EPCAM: variants seen among roughly 807,000 people sequenced by gnomAD.
EPCAM encodes adenocarcinoma-associated antigen.
A neutral mutation model predicts 40.0 loss-of-function variants in EPCAM; 39 were observed. The ratio of observed to expected loss-of-function variants is 0.98; its 90% CI spans 0.76 to 1.27. The LOEUF is 1.27. EPCAM is among the 50% of genes most tolerant of loss of function. EPCAM has a pLI of 0.00. For synonymous variants in EPCAM, 168 were observed against 132.3 expected (o/e 1.27, Z -1.85); for missense variants, 503 against 381.2 (o/e 1.32, Z -2.66).
chr2:47,369,355 CG>C lies in EPCAM; in HGVS notation c.-147del, dbSNP rs2103737429. 8.2e-7 allele frequency: 1 copy of C among 1,220,546 alleles called. No homozygotes were observed. The highest frequency in any genetic ancestry group is 1.1e-6 in the Non-Finnish European group (1 of 932,784). The allele number at this position is 1,220,546 out of a possible 1,614,324, so 75.6% of individuals were successfully genotyped here. A position where few individuals can be genotyped will look rare whatever the true frequency, so the allele number is the denominator to read the frequency against. ...GCGAGCGAGCACCTTCGACGCGGTC[CG>C]GGGACCCCCTCGTCGCTGTCCTCCC... On this transcript the variant is annotated 5_prime_UTR_variant, in exon 1 of 9. Coordinates refer to ENST00000263735, the MANE Select transcript of EPCAM (RefSeq NM_002354.3).
chr2:47,373,793 A>C lies in EPCAM; in HGVS notation c.185-15A>C. 6.2e-7 allele frequency: 1 copy of C among 1,614,114 alleles called. No homozygotes were observed. Among genetic ancestry groups the C allele is most frequent in the Non-Finnish European group, 8.5e-7 (1 of 1,180,012 alleles). On this transcript the variant is annotated splice_polypyrimidine_tract_variant and intron_variant, in intron 2 of 8. Transcript: ENST00000263735. ...TCAGTTATTTTTCAGTTTGGCATTA[A>C]GGTTTCTTTTTCAGTGGCTGCCAAA...
chr2:47,380,416 A>T (rs1293426396), intron 7 of EPCAM, among the ~76,000 whole-genome samples: 1 of 152,228 alleles, frequency 6.6e-6, no homozygotes, highest in Non-Finnish European at 1.5e-5. Context: ...ATGGTGAATG[A>T]ATCTATTGTA....
chr2:47,380,601 C>T (rs975614592), intron 7 of EPCAM, among the ~76,000 whole-genome samples: 1 of 152,146 alleles, frequency 6.6e-6, no homozygotes, highest in Admixed American at 6.5e-5. Flanking sequence ...ACCCCCAAAC[C>T]ACTCAATAAG....
chr2:47,375,146 T>G, intron 3 of EPCAM, 88 bp from the exon 4 acceptor site: 6 of 1,001,372 alleles, frequency 6.0e-6, no homozygotes, highest in African/African-American at 1.6e-5. Flanking sequence ...TTAGTCCTTA[T>G]AATTCGAGAA....
intron 8 of EPCAM, among the ~76,000 whole-genome samples, chr2:47,386,006 T>C (rs1456999391): frequency 6.6e-6 from 1 of 152,202 alleles, no homozygotes; most frequent in African/African-American, 2.4e-5. Context: ...CAAAATTATA[T>C]AACTTCTTTA....
rs1671751700 is a variant in EPCAM at position 47,386,729 on chromosome 2, T to TA, written c.*117dup. 1.2e-6 allele frequency: 1 copy of TA among 827,038 alleles called. No individual in the cohort carries two copies. The highest frequency in any genetic ancestry group is 1.7e-5 in the African/African-American group (1 of 59,432). 51.2% of individuals were successfully genotyped at this position (827,038 alleles called of 1,614,324 possible). On this transcript the variant is annotated 3_prime_UTR_variant, in exon 9 of 9. Coordinates refer to ENST00000263735, the MANE Select transcript of EPCAM (RefSeq NM_002354.3). ...TCATGAGTTTGTTAGTTTAACATCA[T>TA]ATATTTGTAATAGTGAAACCTGTAC...
chr2:47,376,825 C>G (rs1207017149), intron 4 of EPCAM, among the ~76,000 whole-genome samples, 189 bp from the exon 5 acceptor site: 1 of 152,032 alleles, frequency 6.6e-6, no homozygotes, highest in East Asian at 1.9e-4. Context: ...AAACTGGTAC[C>G]CAGCAGTTTG....
chr2:47,380,934 C>T (rs1671571239), intron 7 of EPCAM, among the ~76,000 whole-genome samples: 1 of 150,714 alleles, frequency 6.6e-6, no homozygotes, highest in South Asian at 2.1e-4. Context: ...ACTGAACATA[C>T]AAAAAAATTA....
chr2:47,379,158 A>C, intron 6 of EPCAM, 104 bp downstream of exon 6: 1 of 737,340 alleles, frequency 1.4e-6, no homozygotes, highest in Non-Finnish European at 2.5e-6. Context: ...AGATCAACCA[A>C]ATGGTTCGCT....
chr2:47,377,529 G>A (rs1472088397), intron 5 of EPCAM: 2 of 240,858 alleles, frequency 8.3e-6, no homozygotes, highest in East Asian at 1.2e-4. Flanking sequence ...GAGCCACCAC[G>A]CCCGGCCCAT....
At chr2:47,374,089 A>G (rs1671359529) in intron 3 of EPCAM, 41 bp downstream of exon 3, 1 of 1,608,480 alleles carries the variant, frequency 6.2e-7, no homozygotes, top group Non-Finnish European at 8.5e-7. Context: ...CATGCTGTTC[A>G]GATTCATTTA....
At position 47,373,544 on chromosome 2, in the gene EPCAM, C is replaced by T. The variant is rs1671339183; in HGVS notation, c.158C>T (p.Ala53Val). 1 of 1,612,666 alleles carries T rather than the reference C, an allele frequency of 6.2e-7. No homozygotes were observed. The highest frequency in any genetic ancestry group is 1.3e-5 in the African/African-American group (1 of 74,834). ...CAATGCCAGTGTACTTCAGTTGGTG[C>T]ACAAAATACTGTCATTTGCTCAAAG... ...NRQCQCTSVG[A>V]QNTVICSKLA... Residue 53 changes from alanine to valine, a missense_variant, in exon 2 of 9, where the codon GCA becomes GTA. Coordinates refer to ENST00000263735, the MANE Select transcript of EPCAM (RefSeq NM_002354.3).
At chr2:47,376,595 A>ATTTGCT (rs1248873086) in intron 4 of EPCAM, among the ~76,000 whole-genome samples, 1 of 152,140 alleles carries the variant, frequency 6.6e-6, no homozygotes, top group East Asian at 1.9e-4. Flanking sequence ...CAGGTTATGC[A>ATTTGCT]TTTTTGACAG....
In EPCAM at chr2:47,382,835, G is replaced by A. The variant is rs148388200; in HGVS notation, c.859-2331G>A. On this transcript the variant is annotated intron_variant, in intron 7 of 8. Coordinates refer to ENST00000263735, the MANE Select transcript of EPCAM (RefSeq NM_002354.3). ...GATCTTTATCTTTGGATCTGGAATG[G>A]TTGCTATGATGTTGATACAAGCTGT... Among the ~76,000 whole-genome samples, 150 of 152,234 alleles carry A rather than the reference G, an allele frequency of 9.9e-4. 1 individual carries two copies. The highest frequency in any genetic ancestry group is 3.3e-3 in the African/African-American group (138 of 41,544).
At position 47,383,619 on chromosome 2, in the gene EPCAM, T is replaced by C. The variant is rs1420007074; in HGVS notation, c.859-1547T>C. On this transcript the variant is annotated intron_variant, in intron 7 of 8. Transcript: ENST00000263735. ...TGCCCGGCTTCTTCTTTTTTTTTTT[T>C]TTTTTTTTTTTTTTTTTTTTTTTTT... Among the ~76,000 whole-genome samples, 70 of 61,020 alleles carry C rather than the reference T, an allele frequency of 1.1e-3. 2 individuals carry two copies. Among genetic ancestry groups the C allele is most frequent in the African/African-American group, 5.6e-3 (67 of 11,902 alleles). 40.0% of individuals were successfully genotyped at this position (61,020 alleles called of 152,430 possible). A position where few individuals can be genotyped will look rare whatever the true frequency, so the allele number is the denominator to read the frequency against.
intron 3 of EPCAM, among the ~76,000 whole-genome samples, chr2:47,374,714 G>C (rs1393491767): frequency 1.3e-5 from 2 of 151,766 alleles, no homozygotes; most frequent in Admixed American, 6.6e-5. Flanking sequence ...CACAATCTCA[G>C]CTCACTGCAA....
intron 7 of EPCAM, among the ~76,000 whole-genome samples, chr2:47,381,569 T>C (rs1057060480): frequency 1.3e-5 from 2 of 152,086 alleles, no homozygotes; most frequent in African/African-American, 2.4e-5. Flanking sequence ...TGCCCAGCTG[T>C]GTGAGGGTGG....
At position 47,378,380 on chromosome 2, in the gene EPCAM, C is replaced by T. The variant is rs143513687; in HGVS notation, c.556-573C>T. 3.4e-3 allele frequency among the ~76,000 whole-genome samples: 519 copies of T among 150,608 alleles called. 3 individuals carry two copies. Among genetic ancestry groups the T allele is most frequent in the African/African-American group, 0.012 (500 of 40,932 alleles). ...GCAATGGCGCCATCTCGGCTCACCA[C>T]GACTTTTGCCTCCCAGGTTCAAGCG... On this transcript the variant is annotated intron_variant, in intron 5 of 8. Transcript: ENST00000263735.
intron 5 of EPCAM, among the ~76,000 whole-genome samples, chr2:47,377,328 C>G (rs946784983): frequency 6.6e-6 from 1 of 152,038 alleles, no homozygotes; most frequent in African/African-American, 2.4e-5. Context: ...CCTCTGCTTC[C>G]AAGGTTCAAG....
Sources: gnomAD v4.1 joint callset for allele counts (sites outside exome capture counted in the v4.1 genomes callset) on GRCh38, gnomAD v4.1.1 for gene constraint, MANE v1.5 for transcripts, NCBI Gene and HGNC (gene_info 2026-07-23, HGNC 2026-07-21) for gene names.